DMD: variants seen among roughly 807,000 people sequenced by gnomAD.
The protein encoded by DMD is dystrophin, also known as mutant dystrophin.
Under a neutral mutation model 330.1 loss-of-function variants are expected in DMD, and 63 were observed. The ratio of observed to expected loss-of-function variants is 0.19; its 90% CI spans 0.16 to 0.24. The LOEUF (loss-of-function observed/expected upper bound fraction) is 0.24, where lower values mean the gene tolerates loss of function less well. DMD is among the 10% of genes least tolerant of loss of function. The pLI is 1.00. For missense variants in DMD, 3,344 were observed against 2,684.1 expected, an observed-to-expected ratio of 1.25 and a Z score of -5.43; for synonymous variants, 1,223 against 959.8, an observed-to-expected ratio of 1.27 and a Z score of -5.07.
intron 2 of DMD, among the ~76,000 whole-genome samples, chrX:32,917,689 G>A (rs1357901628): frequency 8.9e-6 from 1 of 111,946 alleles, no homozygotes; most frequent in African/African-American, 3.3e-5. Flanking sequence ...AATGGTTGGT[G>A]ATCTTTGTTG....
At chrX:31,288,591 T>C (rs1470940789) in intron 62 of DMD, among the ~76,000 whole-genome samples, 1 of 111,877 alleles carries the variant, frequency 8.9e-6, no homozygotes, top group African/African-American at 3.3e-5. Flanking sequence ...AGTCCTTGAA[T>C]TGAAGACTTA....
rs190079567 is a variant in DMD at position 31,225,496 on chromosome X, T to C, written c.9287-2375A>G. Among the ~76,000 whole-genome samples, 3 of 112,503 alleles carry C rather than the reference T, an allele frequency of 2.7e-5. No individual in the cohort carries two copies. The East Asian group carries it at 8.3e-4, about 31-fold the overall frequency. ...TAAGAAGAATCCAGTAGGTTCTCCA[T>C]CTTTAGAAATGGTGCCCTAGGCTGA... On this transcript the variant is annotated intron_variant, in intron 63 of 78. Coordinates refer to ENST00000357033, the MANE Select transcript of DMD (RefSeq NM_004006.3).
chrX:32,784,659 T>A (rs7050701), intron 7 of DMD, among the ~76,000 whole-genome samples: 19,159 of 111,296 alleles, frequency 0.17, 2,040 homozygotes, highest in African/African-American at 0.4. Context: ...TATGTCCAAC[T>A]AATAAAATTA....
chrX:31,145,002 G>A (rs927374498), intron 76 of DMD, among the ~76,000 whole-genome samples: 3 of 111,783 alleles, frequency 2.7e-5, no homozygotes, highest in African/African-American at 9.8e-5. Context: ...CCTAGTCCTA[G>A]GCAGAGAACA....
intron 2 of DMD, among the ~76,000 whole-genome samples, chrX:32,866,155 G>C (rs1404441223): frequency 1.8e-5 from 2 of 112,113 alleles, no homozygotes; most frequent in African/African-American, 6.5e-5. Flanking sequence ...AGTTGCCCTA[G>C]TTGTCCCAGA....
chrX:31,203,218 G>A (rs5972335), intron 67 of DMD, among the ~76,000 whole-genome samples: 2 of 97,609 alleles, frequency 2.0e-5, no homozygotes, highest in Admixed American at 1.2e-4. Context: ...GGAGGTGGAG[G>A]TTGCAGTGAG....
At chrX:32,063,660 C>T (rs1364238887) in intron 44 of DMD, among the ~76,000 whole-genome samples, 2 of 110,942 alleles carry the variant, frequency 1.8e-5, no homozygotes, top group Non-Finnish European at 1.9e-5. Context: ...TACTATGGGA[C>T]AGGTATGGAT....
intron 4 of DMD, among the ~76,000 whole-genome samples, chrX:32,833,999 G>C (rs2079381183): frequency 1.8e-5 from 2 of 111,129 alleles, no homozygotes; most frequent in African/African-American, 3.3e-5. Context: ...ATATTACCTT[G>C]CAACTGAATG....
intron 62 of DMD, among the ~76,000 whole-genome samples, chrX:31,299,065 G>C (rs1488933464): frequency 9.0e-6 from 1 of 111,713 alleles, no homozygotes. Context: ...TTTCAACACC[G>C]TTGCCTGTGG....
chrX:31,622,651 T>C (rs1603429160), intron 55 of DMD, among the ~76,000 whole-genome samples: 3 of 109,095 alleles, frequency 2.7e-5, no homozygotes, highest in Middle Eastern at 4.7e-3. Context: ...CACCAGGCCC[T>C]GATCTTGGAA....
chrX:31,866,653 C>G (rs1468863132), intron 48 of DMD, among the ~76,000 whole-genome samples: 19 of 112,031 alleles, frequency 1.7e-4, no homozygotes, highest in African/African-American at 6.1e-4. Context: ...TAAAATAAGA[C>G]TTACTAATGG....
At chrX:31,625,030 T>C (rs2078762637) in intron 55 of DMD, among the ~76,000 whole-genome samples, 1 of 112,020 alleles carries the variant, frequency 8.9e-6, no homozygotes, top group Non-Finnish European at 1.9e-5. Flanking sequence ...CAATAATCAA[T>C]AGTTTCAGTA....
chrX:33,328,615 T>C (rs1031436758), intron 1 of DMD, among the ~76,000 whole-genome samples: 1 of 111,668 alleles, frequency 9.0e-6, no homozygotes, highest in Non-Finnish European at 1.9e-5. Flanking sequence ...TTAAAATTAC[T>C]ATGTCACGCA....
intron 44 of DMD, among the ~76,000 whole-genome samples, chrX:32,012,983 C>G (rs1362083901): frequency 9.0e-6 from 1 of 110,541 alleles, no homozygotes; most frequent in African/African-American, 3.3e-5. Flanking sequence ...TCATTCTTCC[C>G]TAACATCAGC....
At chrX:32,484,327 A>G (rs2042212736) in intron 21 of DMD, among the ~76,000 whole-genome samples, 1 of 112,351 alleles carries the variant, frequency 8.9e-6, no homozygotes, top group Admixed American at 9.4e-5. Flanking sequence ...AGGAAGAGAC[A>G]AAAGAAACAT....
chrX:31,274,284 C>T (rs897412805), intron 62 of DMD, among the ~76,000 whole-genome samples: 4 of 112,086 alleles, frequency 3.6e-5, no homozygotes, highest in African/African-American at 1.3e-4. Context: ...AAATTCACAG[C>T]GTTTGCTATC....
chrX:33,146,505 T>A (rs1283254170), intron 1 of DMD, among the ~76,000 whole-genome samples: 1 of 111,620 alleles, frequency 9.0e-6, no homozygotes, highest in East Asian at 2.8e-4. Context: ...AGAAGGTAGT[T>A]TCTATTACAA....
intron 2 of DMD, among the ~76,000 whole-genome samples, chrX:32,964,713 C>CA (rs1454938092): frequency 4.5e-5 from 5 of 111,159 alleles, no homozygotes; most frequent in African/African-American, 6.5e-5. Flanking sequence ...GTCTCAAAAA[C>CA]AAAAAATCAA....
chrX:33,280,059 T>C (rs2053304150), intron 1 of DMD, among the ~76,000 whole-genome samples: 1 of 107,808 alleles, frequency 9.3e-6, no homozygotes, highest in Admixed American at 1.0e-4. Flanking sequence ...CTCGACTCAC[T>C]GCAACCTCTG....
Sources: gnomAD v4.1 joint callset for allele counts (sites outside exome capture counted in the v4.1 genomes callset) on GRCh38, gnomAD v4.1.1 for gene constraint, MANE v1.5 for transcripts, NCBI Gene and HGNC (gene_info 2026-07-23, HGNC 2026-07-21) for gene names.